TEX26: variants seen among roughly 807,000 people sequenced by gnomAD.
TEX26 encodes testis-expressed protein 26.
TEX26 carries 34 observed loss-of-function variants against 35.3 expected under a neutral mutation model. That is an observed-to-expected ratio of 0.96 (90% confidence interval 0.73 to 1.28). The LOEUF is 1.28. Among genes scored for constraint, TEX26 ranks in the 50% most tolerant of loss-of-function variants. TEX26 has a pLI of 0.00. For synonymous variants in TEX26, 136 were observed against 111.8 expected, an observed-to-expected ratio of 1.22 and a Z score of -1.36; for missense variants, 371 against 330.1, an observed-to-expected ratio of 1.12 and a Z score of -0.96.
chr13:30,948,019 T>C (rs528449649), intron 2 of TEX26, among the ~76,000 whole-genome samples: 16 of 152,304 alleles, frequency 1.1e-4, no homozygotes, highest in African/African-American at 3.6e-4. Flanking sequence ...GATAGTTTGC[T>C]GAGAATGATG....
intron 1 of TEX26, among the ~76,000 whole-genome samples, chr13:30,937,714 A>G (rs1000598610): frequency 6.6e-6 from 1 of 152,236 alleles, no homozygotes; most frequent in South Asian, 2.1e-4. Flanking sequence ...AGTGCATAGA[A>G]GCACAGTTAC....
intron 4 of TEX26, among the ~76,000 whole-genome samples, chr13:30,960,306 GATCTT>G (rs1246007088): frequency 6.6e-5 from 10 of 152,210 alleles, no homozygotes; most frequent in African/African-American, 1.9e-4. Context: ...GCAGTTGTGT[GATCTT>G]GGCTCACTGC....
In TEX26 at chr13:30,954,571, A is replaced by C. The variant is rs1954057076; in HGVS notation, c.312+1746A>C. 2.0e-5 allele frequency among the ~76,000 whole-genome samples: 3 copies of C among 151,716 alleles called. 1 individual carries two copies. In the South Asian group the frequency reaches 6.3e-4, roughly 32 times the overall value. On this transcript the variant is annotated intron_variant, in intron 3 of 6. Coordinates refer to ENST00000380473, the MANE Select transcript of TEX26 (RefSeq NM_152325.3). ...ACTCTTGAACTCAAGTGATGCTCCC[A>C]CCTCACCCTCCAGAGTAGCTTAAAG... is the stretch of plus-strand genomic sequence containing the variant.
At chr13:30,949,837 C>T (rs1344361704) in intron 2 of TEX26, among the ~76,000 whole-genome samples, 5 of 152,026 alleles carry the variant, frequency 3.3e-5, no homozygotes, top group African/African-American at 1.2e-4. Context: ...TTAATTTCAT[C>T]AGACATCAAA....
rs1311526737 is a variant in TEX26 at position 30,966,522 on chromosome 13, C to T, written c.646+124C>T. On this transcript the variant is annotated intron_variant, in intron 5 of 6. Transcript: ENST00000380473. The stretch of plus-strand genomic sequence containing the variant: ...GCACAATCTTGGCTCACTGAGATCT[C>T]CGCCTCCTGGGTTCAAGCGATTCTC... 4.6e-6 allele frequency: 4 copies of T among 877,118 alleles called. No homozygotes were observed. The African/African-American group carries it at 7.2e-5, about 16-fold the overall frequency. The allele number at this position is 877,118 out of a possible 1,614,324, so 54.3% of individuals were successfully genotyped here.
intron 1 of TEX26, among the ~76,000 whole-genome samples, chr13:30,936,029 G>A (rs4941923): frequency 0.97 from 147,059 of 152,266 alleles, 71,254 homozygotes; most frequent in East Asian, 1. Context: ...CTTTAATTGC[G>A]TGTGCAAAGA....
intron 2 of TEX26, among the ~76,000 whole-genome samples, chr13:30,941,956 G>A (rs1953530420): frequency 6.6e-6 from 1 of 151,926 alleles, no homozygotes; most frequent in Admixed American, 6.6e-5. Flanking sequence ...ATTGTGAATT[G>A]TGCTGTGGTA....
chr13:30,937,878 C>G (rs1399844998), intron 1 of TEX26, among the ~76,000 whole-genome samples: 1 of 152,156 alleles, frequency 6.6e-6, no homozygotes, highest in Non-Finnish European at 1.5e-5. Flanking sequence ...ATAAACAAGA[C>G]TTGATTGGGA....
At chr13:30,955,131 G>A (rs957576084) in intron 3 of TEX26, among the ~76,000 whole-genome samples, 10 of 152,108 alleles carry the variant, frequency 6.6e-5, no homozygotes, top group African/African-American at 2.4e-4. Context: ...ATTGCTTTGG[G>A]CCACACATAA....
intron 3 of TEX26, among the ~76,000 whole-genome samples, chr13:30,956,523 G>A (rs1381945571): frequency 3.3e-5 from 5 of 152,146 alleles, no homozygotes; most frequent in Non-Finnish European, 5.9e-5. Context: ...CTCCCAAGGG[G>A]AAAGCAGCTA....
rs1056562281 is a variant in TEX26 at position 30,940,828 on chromosome 13, C to T, written c.146+1050C>T. 1.5e-4 allele frequency among the ~76,000 whole-genome samples: 23 copies of T among 152,094 alleles called. 1 individual carries two copies. The highest frequency in any genetic ancestry group is 1.4e-3 in the Admixed American group (21 of 15,284). On this transcript the variant is annotated intron_variant, in intron 2 of 6. Transcript: ENST00000380473. The stretch of plus-strand genomic sequence containing the variant: ...TGGCAGGCACTTGTAATCCCAGCTA[C>T]TCGGGAGGCAGAGGCACGAGAATTG...
At chr13:30,974,712 C>G in intron 6 of TEX26, 134 bp from the exon 7 acceptor site, 1 of 750,238 alleles carries the variant, frequency 1.3e-6, no homozygotes, top group East Asian at 3.1e-5. Context: ...TAATAGCCTG[C>G]TATTATTTTG....
chr13:30,935,593 C>T (rs1307739845), intron 1 of TEX26, among the ~76,000 whole-genome samples: 2 of 152,208 alleles, frequency 1.3e-5, no homozygotes, highest in Non-Finnish European at 2.9e-5. Context: ...GGAAGGAGTA[C>T]CCTCTCGACT....
intron 5 of TEX26, 61 bp from the exon 6 acceptor site, chr13:30,968,824 G>A: frequency 2.6e-6 from 4 of 1,534,560 alleles, no homozygotes; most frequent in Admixed American, 1.9e-5. Context: ...AACAATAAGG[G>A]CAAGACTGGT....
chr13:30,944,875 T>C (rs1342844805), intron 2 of TEX26, among the ~76,000 whole-genome samples: 1 of 152,038 alleles, frequency 6.6e-6, no homozygotes, highest in East Asian at 1.9e-4. Flanking sequence ...ATGGTCTATA[T>C]TGAAGAATGT....
chr13:30,958,878 C>G (rs536514552), intron 4 of TEX26, among the ~76,000 whole-genome samples: 2 of 152,182 alleles, frequency 1.3e-5, no homozygotes, highest in Admixed American at 1.3e-4. Flanking sequence ...TCTCTGCTTC[C>G]CTTCATAAAC....
intron 4 of TEX26, among the ~76,000 whole-genome samples, chr13:30,959,146 A>G (rs1954244406): frequency 6.6e-6 from 1 of 152,152 alleles, no homozygotes; most frequent in Admixed American, 6.5e-5. Flanking sequence ...TGAATTCCTA[A>G]CTTCTTGTTT....
intron 6 of TEX26, among the ~76,000 whole-genome samples, chr13:30,971,893 C>T (rs1201299716): frequency 6.6e-6 from 1 of 152,212 alleles, no homozygotes; most frequent in African/African-American, 2.4e-5. Flanking sequence ...GCTCCCTTCC[C>T]ATCTCTTCCT....
chr13:30,945,082 T>C (rs1326798042), intron 2 of TEX26, among the ~76,000 whole-genome samples: 2 of 151,966 alleles, frequency 1.3e-5, no homozygotes, highest in African/African-American at 4.8e-5. Context: ...GTCTATCTCA[T>C]TTCTTGGGTC....
Sources: gnomAD v4.1 joint callset for allele counts (sites outside exome capture counted in the v4.1 genomes callset) on GRCh38, gnomAD v4.1.1 for gene constraint, MANE v1.5 for transcripts, NCBI Gene and HGNC (gene_info 2026-07-23, HGNC 2026-07-21) for gene names.